C12orf42: variants seen among roughly 807,000 people sequenced by gnomAD.
The protein encoded by C12orf42 is uncharacterized protein C12orf42.
Under a neutral mutation model 21.6 loss-of-function variants are expected in C12orf42, and 25 were observed. The ratio of observed to expected loss-of-function variants is 1.16; its 90% CI spans 0.84 to 1.62. The LOEUF (loss-of-function observed/expected upper bound fraction) is 1.62, where lower values mean the gene tolerates loss of function less well. Ranked by LOEUF, C12orf42 falls within the 40% of genes most tolerant of loss-of-function variation. The pLI, the probability that C12orf42 is intolerant of heterozygous loss-of-function variation, is 0.00. For synonymous variants in C12orf42, 174 were observed against 175.0 expected (o/e 0.99, Z 0.05); for missense variants, 483 against 459.3 (o/e 1.05, Z -0.47).
the C12orf42 span, among the ~76,000 whole-genome samples, chr12:103,186,332 A>G: frequency 6.6e-6 from 1 of 152,214 alleles, no homozygotes; most frequent in Non-Finnish European, 1.5e-5. Flanking sequence ...AGCTAATAGT[A>G]AAAACAGTTT....
chr12:103,167,995 T>C, the C12orf42 span: 8 of 441,058 alleles, frequency 1.8e-5, no homozygotes, highest in Non-Finnish European at 2.7e-5. Flanking sequence ...AATTTCCATG[T>C]TTTTAATTGT....
At chr12:103,339,784 G>T in intron 4 of C12orf42, among the ~76,000 whole-genome samples, 1 of 152,170 alleles carries the variant, frequency 6.6e-6, no homozygotes, top group East Asian at 1.9e-4. Context: ...TTTCATTTAG[G>T]TGCTATGGAT....
At chr12:103,561,999 A>G in the C12orf42 span, among the ~76,000 whole-genome samples, 1 of 152,240 alleles carries the variant, frequency 6.6e-6, no homozygotes, top group Non-Finnish European at 1.5e-5. Context: ...AGTCCAAGGC[A>G]GGTCAGTACA....
At chr12:103,139,597 AAAAGAAAG>A in the C12orf42 span, among the ~76,000 whole-genome samples, 46 of 152,132 alleles carry the variant, frequency 3.0e-4, 1 homozygote, top group South Asian at 6.4e-3. Context: ...ATCTCTTTAA[AAAAGAAAG>A]AAAGAAAGAA....
intron 2 of C12orf42, among the ~76,000 whole-genome samples, chr12:103,408,080 T>G (rs2138842727): frequency 6.6e-6 from 1 of 152,286 alleles, no homozygotes; most frequent in East Asian, 1.9e-4. Flanking sequence ...CACCAAAATT[T>G]TAGCCTCTTC....
chr12:103,539,861 G>A, the C12orf42 span, among the ~76,000 whole-genome samples: 3 of 152,014 alleles, frequency 2.0e-5, no homozygotes, highest in African/African-American at 4.8e-5. Flanking sequence ...CTACAGGCAT[G>A]AGCCAACGCG....
At chr12:103,155,963 A>C in the C12orf42 span, 1 of 151,572 alleles carries the variant, frequency 6.6e-6, no homozygotes, top group African/African-American at 2.4e-5. Context: ...ATTACTGTAA[A>C]ATATTTTCTA....
intron 4 of C12orf42, among the ~76,000 whole-genome samples, chr12:103,353,295 A>T (rs1280760225): frequency 6.6e-6 from 1 of 151,728 alleles, no homozygotes; most frequent in African/African-American, 2.4e-5. Flanking sequence ...GGATTAAAAA[A>T]AAAAAGAGGG....
At chr12:103,425,829 T>C (rs191521558) in intron 2 of C12orf42, among the ~76,000 whole-genome samples, 1,900 of 152,262 alleles carry the variant, frequency 0.012, 35 homozygotes, top group African/African-American at 0.044. Context: ...AGAGGCAGTC[T>C]GGCTACAGTG....
At chr12:103,304,179 C>T (rs1369829402) in intron 5 of C12orf42, among the ~76,000 whole-genome samples, 2 of 152,196 alleles carry the variant, frequency 1.3e-5, no homozygotes, top group Non-Finnish European at 2.9e-5. Flanking sequence ...GTCTCTTTGA[C>T]CTTACCCGAA....
the C12orf42 span, among the ~76,000 whole-genome samples, chr12:103,228,338 G>A: frequency 1.7e-3 from 258 of 152,208 alleles, no homozygotes; most frequent in African/African-American, 5.9e-3. Context: ...TGCTTTTTGA[G>A]CCAGGATGAC....
At chr12:103,148,430 T>G in the C12orf42 span, among the ~76,000 whole-genome samples, 1 of 152,148 alleles carries the variant, frequency 6.6e-6, no homozygotes, top group African/African-American at 2.4e-5. Context: ...CTTGATTTAT[T>G]ATGGTCTAGC....
At chr12:103,098,624 T>G in the C12orf42 span, among the ~76,000 whole-genome samples, 5,207 of 152,328 alleles carry the variant, frequency 0.034, 127 homozygotes, top group Non-Finnish European at 0.052. Context: ...CTTGACATCG[T>G]GCAGCTTCAT....
chr12:103,127,669 G>GC, the C12orf42 span, among the ~76,000 whole-genome samples: 1 of 152,152 alleles, frequency 6.6e-6, no homozygotes, highest in African/African-American at 2.4e-5. Flanking sequence ...GGTAATAACA[G>GC]CATCTAACAG....
chr12:103,434,919 T>A (rs1270534035), intron 2 of C12orf42, among the ~76,000 whole-genome samples: 1 of 152,254 alleles, frequency 6.6e-6, no homozygotes, highest in Non-Finnish European at 1.5e-5. Flanking sequence ...GAGGCCTGCC[T>A]GCCTCTGCAG....
chr12:103,054,472 G>C, the C12orf42 span, among the ~76,000 whole-genome samples: 1 of 151,640 alleles, frequency 6.6e-6, no homozygotes, highest in African/African-American at 2.4e-5. Flanking sequence ...GTTCTAAGAG[G>C]CTTTTTTTTG....
chr12:103,096,380 T>C, the C12orf42 span, among the ~76,000 whole-genome samples: 2 of 152,234 alleles, frequency 1.3e-5, no homozygotes, highest in Admixed American at 1.3e-4. Flanking sequence ...CATAAATGCC[T>C]ATTAAGTTGT....
chr12:103,529,357 C>T, the C12orf42 span, among the ~76,000 whole-genome samples: 1 of 152,208 alleles, frequency 6.6e-6, no homozygotes, highest in Non-Finnish European at 1.5e-5. Context: ...GCATGTAATG[C>T]CTGAAATGTT....
rs1346694576 is a variant in C12orf42 at position 103,342,675 on chromosome 12, C to A, written c.259+26212G>T. Among the ~76,000 whole-genome samples the A allele has an allele frequency of 7.6e-5, 9 of 117,982 alleles. No homozygotes were observed. The Admixed American group carries it at 1.0e-3, about 13-fold the overall frequency. The allele number at this position is 117,982 out of a possible 152,430, so 77.4% of individuals were successfully genotyped here. ...TTTCCCCACCCCCCGCCCCCGCATCCCATCTTTCTACAAAAACAAGCCCAC... is the reference window on the plus strand; with the variant it reads ...TTTCCCCACCCCCCGCCCCCGCATCACATCTTTCTACAAAAACAAGCCCAC... On this transcript the variant is annotated intron_variant, in intron 4 of 5. Transcript: ENST00000548883.
Sources: gnomAD v4.1 joint callset for allele counts (sites outside exome capture counted in the v4.1 genomes callset) on GRCh38, gnomAD v4.1.1 for gene constraint, MANE v1.5 for transcripts, NCBI Gene and HGNC (gene_info 2026-07-23, HGNC 2026-07-21) for gene names.